Variants in EFR3A observed in about 807,000 individuals in gnomAD.
The protein encoded by EFR3A is EFR3 homolog A.
A neutral mutation model predicts 104.4 loss-of-function variants in EFR3A; 76 were observed. The ratio of observed to expected loss-of-function variants is 0.73; its 90% confidence interval spans 0.60 to 0.88. EFR3A has a LOEUF of 0.88. Among genes scored for constraint, EFR3A ranks in the 40% least tolerant of loss-of-function variants. The pLI, the probability that EFR3A is intolerant of heterozygous loss-of-function variation, is 0.00. For synonymous variants in EFR3A, 330 were observed against 330.0 expected, an observed-to-expected ratio of 1.00 and a Z score of 0.00; for missense variants, 985 against 1,012.5, an observed-to-expected ratio of 0.97 and a Z score of 0.37.
At position 131,979,404 on chromosome 8, in the gene EFR3A, A is replaced by G. The variant is rs1265622712; in HGVS notation, c.1558A>G (p.Thr520Ala). The G allele has an allele frequency of 1.3e-6, 2 of 1,562,476 alleles. No individual in the cohort carries two copies. The highest frequency in any genetic ancestry group is 1.4e-5 in the African/African-American group (1 of 73,666). The change falls in exon 14 of 23, where the codon ACA becomes GCA. Residue 520 changes from threonine to alanine, a missense_variant. Physicochemically the swap from Thr to Ala is moderately conservative, Grantham distance 58. Transcript: ENST00000254624. ...IKREKICRQD[T>A]SFMKKNGQQL... ...AAGAGAAAAAATTTGCAGACAAGACACAAGTTTCATGAAAAAGGTAAGACA... is the reference window on the plus strand; with the variant it reads ...AAGAGAAAAAATTTGCAGACAAGACGCAAGTTTCATGAAAAAGGTAAGACA...
At chr8:131,940,833 CTAAG>C (rs924709685) in intron 2 of EFR3A, among the ~76,000 whole-genome samples, 2 of 151,970 alleles carry the variant, frequency 1.3e-5, no homozygotes, top group Non-Finnish European at 1.5e-5. Context: ...TATATAGTGT[CTAAG>C]TAACACTGTC....
intron 20 of EFR3A, 40 bp downstream of exon 20, chr8:132,001,847 C>G: frequency 1.3e-6 from 2 of 1,535,388 alleles, no homozygotes; most frequent in Non-Finnish European, 1.8e-6. Flanking sequence ...CAATATTTAA[C>G]TTATCTTTAT....
At chr8:131,977,006 ATT>A (rs747684801) in intron 11 of EFR3A, 33 bp from the exon 12 acceptor site, 1 of 1,432,612 alleles carries the variant, frequency 7.0e-7, no homozygotes, top group Non-Finnish European at 9.7e-7. Context: ...ATAAATGCTA[ATT>A]AGTATAATAA....
At chr8:131,984,790 T>C (rs1336499433) in intron 15 of EFR3A, 139 bp from the exon 16 acceptor site, 9 of 767,548 alleles carry the variant, frequency 1.2e-5, no homozygotes, top group Non-Finnish European at 1.8e-5. Context: ...CCTTTCAGAA[T>C]TGTTTTAGAA....
In EFR3A at chr8:131,970,504, C is replaced by T. The variant is rs1162525709; in HGVS notation, c.1020C>T (p.Thr340=). Residue 340 remains threonine (T), a synonymous_variant, in exon 10 of 23, where the codon ACC becomes ACT. Transcript: ENST00000254624. ...CGACAGTGCTGGAAGTCTTCAATAC[C>T]CTTTTGAAACATCTGCGTCTCAGCG... is the stretch of plus-strand genomic sequence containing the variant. ...IGPTVLEVFN[T]LLKHLRLSVE... 2 of 1,613,634 alleles carry T rather than the reference C, an allele frequency of 1.2e-6. No individual in the cohort carries two copies. The highest frequency in any genetic ancestry group is 3.3e-5 in the Admixed American group (2 of 59,988).
chr8:131,940,535 A>G lies in EFR3A; in HGVS notation c.47A>G (p.Tyr16Cys), dbSNP rs1288869604. Residue 16 changes from tyrosine (Y) to cysteine (C), a missense_variant, in exon 2 of 23, where the codon TAC (tyrosine) becomes TGC (cysteine). Physicochemically the swap from Tyr to Cys is radical, Grantham distance 194 (BLOSUM62 -2). Coordinates refer to ENST00000254624, the MANE Select transcript of EFR3A (RefSeq NM_015137.6). ...TGCTGTTCCGCTTTGCGTCCTCGCT[A>G]CAAACGCCTGGTGGACAACATATTC... ...CCCCSALRPR[Y>C]KRLVDNIFPE... The G allele has an allele frequency of 6.2e-7, 1 of 1,607,730 alleles. No homozygotes were observed. The highest frequency in any genetic ancestry group is 8.5e-7 in the Non-Finnish European group (1 of 1,177,652).
rs1054634587 is a variant in EFR3A at position 131,944,020 on chromosome 8, A to T, written c.88-725A>T. ...AGGGACCAGTTGAAGGTGAAAACAC[A>T]CATCTATACAATTTTTGTTGCAGAT... On this transcript the variant is annotated intron_variant, in intron 2 of 22. Coordinates refer to ENST00000254624, the MANE Select transcript of EFR3A (RefSeq NM_015137.6). Among the ~76,000 whole-genome samples the T allele has an allele frequency of 2.0e-5, 3 of 152,106 alleles. No homozygotes were observed. The East Asian group carries it at 5.8e-4, about 29-fold the overall frequency.
At chr8:131,971,650 T>C (rs904148839) in intron 10 of EFR3A, among the ~76,000 whole-genome samples, 4 of 149,044 alleles carry the variant, frequency 2.7e-5, no homozygotes, top group African/African-American at 7.5e-5. Context: ...ATGGCGCCAC[T>C]GCACTCCAGT....
intron 8 of EFR3A, among the ~76,000 whole-genome samples, chr8:131,965,813 G>C (rs920468966): frequency 2.0e-5 from 3 of 151,422 alleles, no homozygotes; most frequent in Non-Finnish European, 3.0e-5. Context: ...AACCAACCCA[G>C]ATGTCCAACA....
chr8:131,968,548 CAAT>C, intron 9 of EFR3A, 118 bp downstream of exon 9: 5 of 1,129,640 alleles, frequency 4.4e-6, no homozygotes, highest in Non-Finnish European at 6.0e-6. Flanking sequence ...TTTCGGTGTA[CAAT>C]AATTTTTTTT....
intron 21 of EFR3A, 32 bp downstream of exon 21, chr8:132,002,738 T>C (rs1821846243): frequency 6.4e-7 from 1 of 1,558,006 alleles, no homozygotes; most frequent in Non-Finnish European, 8.8e-7. Flanking sequence ...GGCTTGTGGG[T>C]GGACTGTTGT....
chr8:131,928,764 A>G (rs1438255456), intron 1 of EFR3A, among the ~76,000 whole-genome samples: 2 of 152,078 alleles, frequency 1.3e-5, no homozygotes, highest in African/African-American at 2.4e-5. Flanking sequence ...CATTTAAAAT[A>G]TTCTTAATTT....
At chr8:131,994,680 G>A (rs968738495) in intron 18 of EFR3A, among the ~76,000 whole-genome samples, 8 of 152,094 alleles carry the variant, frequency 5.3e-5, no homozygotes, top group African/African-American at 9.7e-5. Flanking sequence ...GATTTTGAAC[G>A]ATGACACTCT....
At chr8:131,939,692 T>A (rs1818072487) in intron 1 of EFR3A, among the ~76,000 whole-genome samples, 1 of 152,178 alleles carries the variant, frequency 6.6e-6, no homozygotes, top group African/African-American at 2.4e-5. Flanking sequence ...TCACTTAATC[T>A]TCTTTTCAGG....
At chr8:131,956,738 T>C (rs1484651843) in intron 7 of EFR3A, among the ~76,000 whole-genome samples, 2 of 152,152 alleles carry the variant, frequency 1.3e-5, no homozygotes, top group Non-Finnish European at 2.9e-5. Context: ...CACAAAATTA[T>C]ATTAAAAATT....
intron 14 of EFR3A, among the ~76,000 whole-genome samples, chr8:131,981,466 G>A (rs886496743): frequency 6.6e-6 from 1 of 151,980 alleles, no homozygotes; most frequent in African/African-American, 2.4e-5. Context: ...TAGAAGCAAT[G>A]TGTTCACACT....
intron 15 of EFR3A, 62 bp from the exon 16 acceptor site, chr8:131,984,867 A>C: frequency 2.8e-6 from 4 of 1,446,406 alleles, no homozygotes; most frequent in Non-Finnish European, 3.7e-6. Context: ...CAGTGTAATC[A>C]GAGAAAATGC....
At chr8:131,964,328 A>G (rs1819570933) in intron 8 of EFR3A, among the ~76,000 whole-genome samples, 4 of 152,226 alleles carry the variant, frequency 2.6e-5, no homozygotes, top group South Asian at 2.1e-4. Context: ...AAACCCCATC[A>G]TCTCAGCCCA....
At chr8:131,996,374 C>A (rs1821485638) in intron 18 of EFR3A, 32 bp from the exon 19 acceptor site, 3 of 1,312,284 alleles carry the variant, frequency 2.3e-6, no homozygotes, top group East Asian at 2.5e-5. Flanking sequence ...ACATTTCTAG[C>A]AAATAATGGG....
Sources: allele counts gnomAD v4.1 joint callset (sites outside exome capture counted in the v4.1 genomes callset), GRCh38; gene constraint gnomAD v4.1.1; transcripts MANE v1.5; gene names NCBI Gene and HGNC (gene_info 2026-07-23, HGNC 2026-07-21).